Variants in L3MBTL4 observed in about 807,000 individuals in gnomAD.
The protein encoded by L3MBTL4 is lethal(3)malignant brain tumor-like protein 4.
L3MBTL4 carries 70 observed loss-of-function variants against 84.5 expected under a neutral mutation model. That is an observed-to-expected ratio of 0.83 (90% CI 0.68 to 1.01). The LOEUF is 1.01. Among genes scored for constraint, L3MBTL4 ranks in the 50% least tolerant of loss-of-function variants. L3MBTL4 has a pLI of 0.00. For synonymous variants in L3MBTL4, 274 were observed against 259.8 expected (o/e 1.05, Z -0.52); for missense variants, 715 against 754.8 (o/e 0.95, Z 0.62).
chr18:6,303,310 G>A (rs574811396), intron 3 of L3MBTL4, among the ~76,000 whole-genome samples: 2 of 151,962 alleles, frequency 1.3e-5, no homozygotes, highest in East Asian at 2.0e-4. Flanking sequence ...TAGTAATGAT[G>A]GGGTTTCACT....
At chr18:6,231,870 G>A (rs891726855) in intron 10 of L3MBTL4, among the ~76,000 whole-genome samples, 23 of 151,996 alleles carry the variant, frequency 1.5e-4, no homozygotes, top group African/African-American at 4.6e-4. Flanking sequence ...CTCCCTTTCC[G>A]TTAGGATGCC....
intron 1 of L3MBTL4, among the ~76,000 whole-genome samples, chr18:6,342,119 A>G (rs1440674263): frequency 6.6e-6 from 1 of 152,190 alleles, no homozygotes; most frequent in Non-Finnish European, 1.5e-5. Context: ...TTGCCTTACA[A>G]GATATGCTAA....
At chr18:6,005,025 T>TTTTTTTTTTTTTTTTG (rs2054403422) in intron 16 of L3MBTL4, among the ~76,000 whole-genome samples, 1 of 143,566 alleles carries the variant, frequency 7.0e-6, no homozygotes, top group Non-Finnish European at 1.5e-5. Context: ...TTTTTTTTTT[T>TTTTTTTTTTTTTTTTG]TTACTTTTAG....
At chr18:6,241,487 T>C in intron 7 of L3MBTL4, 38 bp from the exon 8 acceptor site, 1 of 1,069,604 alleles carries the variant, frequency 9.3e-7, no homozygotes, top group Non-Finnish European at 1.4e-6. Flanking sequence ...ACCCAAAAGA[T>C]GTAATCACAT....
At chr18:6,255,572 T>C (rs1350258036) in intron 5 of L3MBTL4, among the ~76,000 whole-genome samples, 2 of 152,218 alleles carry the variant, frequency 1.3e-5, no homozygotes, top group Non-Finnish European at 2.9e-5. Context: ...TCATCTTAAA[T>C]GACTTCATGT....
intron 1 of L3MBTL4, among the ~76,000 whole-genome samples, chr18:6,399,194 C>G (rs188989013): frequency 6.6e-6 from 1 of 152,126 alleles, no homozygotes; most frequent in Admixed American, 6.5e-5. Context: ...AATCCCAGCA[C>G]GTTGGAAGGC....
intron 16 of L3MBTL4, among the ~76,000 whole-genome samples, chr18:6,076,667 T>C (rs2057865019): frequency 9.1e-6 from 1 of 110,266 alleles, no homozygotes; most frequent in Non-Finnish European, 1.8e-5. Flanking sequence ...AATATGATTC[T>C]GCACTGGTAA....
At chr18:6,308,847 C>T (rs761170534) in intron 3 of L3MBTL4, among the ~76,000 whole-genome samples, 5 of 152,036 alleles carry the variant, frequency 3.3e-5, no homozygotes, top group Non-Finnish European at 5.9e-5. Context: ...TGAGGGGATA[C>T]GGTGGATAAT....
rs572218087 is a variant in L3MBTL4, at chr18:5,984,484, A to T, written c.1445-14922T>A. Among the ~76,000 whole-genome samples, 21 of 152,376 alleles carry T rather than the reference A, an allele frequency of 1.4e-4. No homozygotes were observed. In the East Asian group the frequency reaches 3.9e-3, roughly 28 times the overall value. On this transcript the variant is annotated intron_variant, in intron 16 of 18. Coordinates refer to ENST00000317931, the MANE Select transcript of L3MBTL4 (RefSeq NM_001330559.2). The stretch of plus-strand genomic sequence containing the variant: ...TATTCAAAACTGAAAATGACGACAG[A>T]TGAATAGAAATCCAAAGAAAATGTT...
At chr18:6,310,322 G>C (rs1275927304) in intron 3 of L3MBTL4, among the ~76,000 whole-genome samples, 4 of 152,162 alleles carry the variant, frequency 2.6e-5, no homozygotes, top group Non-Finnish European at 5.9e-5. Flanking sequence ...TCCTGGAACT[G>C]ATCTAAGAAA....
intron 13 of L3MBTL4, among the ~76,000 whole-genome samples, chr18:6,165,852 G>T (rs537839784): frequency 6.6e-6 from 1 of 152,056 alleles, no homozygotes; most frequent in Non-Finnish European, 1.5e-5. Flanking sequence ...AATGTAAATC[G>T]GCTAAATGCT....
chr18:6,173,478 A>G (rs1426323009), intron 12 of L3MBTL4, among the ~76,000 whole-genome samples: 1 of 152,120 alleles, frequency 6.6e-6, no homozygotes, highest in Non-Finnish European at 1.5e-5. Flanking sequence ...AGACAGAACT[A>G]CAAAAAAGGG....
At chr18:6,072,897 T>A (rs868566001) in intron 16 of L3MBTL4, among the ~76,000 whole-genome samples, 2,315 of 19,120 alleles carry the variant, frequency 0.12, 272 homozygotes, top group Middle Eastern at 0.5. Flanking sequence ...TATATATATA[T>A]ATATATATAT....
intron 16 of L3MBTL4, among the ~76,000 whole-genome samples, chr18:6,033,324 CT>C (rs147231589): frequency 0.015 from 2,353 of 152,120 alleles, 57 homozygotes; most frequent in African/African-American, 0.054. Context: ...CATGAAATGC[CT>C]TTTCCATCTT....
chr18:6,165,087 G>C (rs967897679), intron 13 of L3MBTL4, among the ~76,000 whole-genome samples: 1 of 152,180 alleles, frequency 6.6e-6, no homozygotes, highest in African/African-American at 2.4e-5. Context: ...ATCAGCAATG[G>C]AAGGCAAAAT....
chr18:6,248,350 G>A (rs577959071), intron 5 of L3MBTL4, among the ~76,000 whole-genome samples: 139 of 152,286 alleles, frequency 9.1e-4, no homozygotes, highest in African/African-American at 3.2e-3. Context: ...CTGTGCTCGT[G>A]AACTACTTGG....
rs565328862 is a variant in L3MBTL4 at position 6,110,153 on chromosome 18, G to A, written c.1200-16625C>T. Among the ~76,000 whole-genome samples the A allele has an allele frequency of 8.9e-4, 136 of 152,228 alleles. 1 individual carries two copies. The highest frequency in any genetic ancestry group is 8.7e-3 in the South Asian group (42 of 4,820). The stretch of plus-strand genomic sequence containing the variant: ...GGCTGGGAGTGTCTCTGCTTCTAAC[G>A]GGAAACTCTAATGCCATTTACATCT... On this transcript the variant is annotated intron_variant, in intron 14 of 18. Transcript: ENST00000317931.
intron 16 of L3MBTL4, among the ~76,000 whole-genome samples, chr18:6,005,029 C>CTTTTTTTTTTTTTTTTT (rs1598412472): frequency 1.9e-3 from 84 of 44,558 alleles, no homozygotes; most frequent in Non-Finnish European, 2.9e-3. Context: ...TTTTTTTTTA[C>CTTTTTTTTTTTTTTTTT]TTTTAGTTCA....
At chr18:6,076,246 T>C (rs1598657758) in intron 16 of L3MBTL4, among the ~76,000 whole-genome samples, 1 of 152,340 alleles carries the variant, frequency 6.6e-6, no homozygotes, top group East Asian at 1.9e-4. Flanking sequence ...AATGGATAAA[T>C]TGTGGTATCT....
Sources: gnomAD v4.1 joint callset for allele counts (sites outside exome capture counted in the v4.1 genomes callset) on GRCh38, gnomAD v4.1.1 for gene constraint, MANE v1.5 for transcripts, NCBI Gene and HGNC (gene_info 2026-07-23, HGNC 2026-07-21) for gene names.